Variants in TCF20 observed in about 807,000 individuals in gnomAD.
TCF20 encodes transcription factor 20, also known as SPRE-binding protein.
A neutral mutation model predicts 148.6 loss-of-function variants in TCF20; 3 were observed. That is an observed-to-expected ratio of 0.02 (90% CI 0.01 to 0.05). The LOEUF (loss-of-function observed/expected upper bound fraction) is 0.05, where lower values mean the gene tolerates loss of function less well. Ranked by LOEUF, TCF20 falls within the 10% of genes least tolerant of loss-of-function variation. The pLI is 1.00. For synonymous variants in TCF20, 1,049 were observed against 909.5 expected, an observed-to-expected ratio of 1.15 and a Z score of -2.76; for missense variants, 2,350 against 2,429.3, an observed-to-expected ratio of 0.97 and a Z score of 0.69.
intron 1 of TCF20, among the ~76,000 whole-genome samples, chr22:42,312,375 A>G (rs6002682): frequency 0.56 from 84,690 of 152,014 alleles, 24,249 homozygotes; most frequent in African/African-American, 0.68. Flanking sequence ...TGTAGCTGGT[A>G]GAATAAATGG....
intron 3 of TCF20, among the ~76,000 whole-genome samples, chr22:42,173,711 A>G (rs1487180826): frequency 6.6e-6 from 1 of 152,094 alleles, no homozygotes; most frequent in Non-Finnish European, 1.5e-5. Context: ...AGAGCAGTGC[A>G]GGCCTCTGGG....
chr22:42,225,156 C>T lies in TCF20; in HGVS notation c.-36-9815G>A, dbSNP rs185911458. Among the ~76,000 whole-genome samples the T allele has an allele frequency of 6.7e-3, 1,011 of 151,954 alleles. 11 individuals are homozygous for T. The highest frequency in any genetic ancestry group is 0.023 in the African/African-American group (952 of 41,446). On this transcript the variant is annotated intron_variant, in intron 1 of 5. Coordinates refer to ENST00000677622, the MANE Select transcript of TCF20 (RefSeq NM_001378418.1). ...GATTACAGGTGCCTGCCACCACGTC[C>T]GGCTAATTTTTGTATTTTTAGTAGA...
At chr22:42,245,351 C>T (rs994048669) in intron 1 of TCF20, among the ~76,000 whole-genome samples, 8 of 152,006 alleles carry the variant, frequency 5.3e-5, no homozygotes, top group African/African-American at 1.2e-4. Context: ...CCATTGTAGG[C>T]GTCAACTACT....
chr22:42,212,420 G>A lies in TCF20; in HGVS notation c.2886C>T (p.Arg962=), dbSNP rs369748025. The A allele has an allele frequency of 1.4e-5, 22 of 1,614,098 alleles. No homozygotes were observed. The highest frequency in any genetic ancestry group is 6.7e-5 in the African/African-American group (5 of 74,930). The change falls in exon 2 of 6, where the codon CGC becomes CGT. Residue 962 remains arginine (R), a synonymous_variant. Coordinates refer to ENST00000677622, the MANE Select transcript of TCF20 (RefSeq NM_001378418.1). ...HPPSIKHESY[R]GNASPGAATH... ...TTGCTGCTCCAGGGCTGGCATTGCC[G>A]CGGTAAGACTCATGCTTGATGCTAG...
At chr22:42,295,529 C>T (rs1241121552) in intron 1 of TCF20, among the ~76,000 whole-genome samples, 5 of 151,840 alleles carry the variant, frequency 3.3e-5, no homozygotes, top group Admixed American at 6.6e-5. Flanking sequence ...CTGCAACCTC[C>T]GCCTCCCAGG....
intron 1 of TCF20, among the ~76,000 whole-genome samples, chr22:42,256,908 C>A (rs1053002994): frequency 3.3e-5 from 5 of 152,250 alleles, no homozygotes; most frequent in Admixed American, 2.6e-4. Context: ...CCTGTAATCC[C>A]AGCACTTTGG....
At chr22:42,165,623 T>C (rs184949325) in intron 5 of TCF20, among the ~76,000 whole-genome samples, 8 of 152,318 alleles carry the variant, frequency 5.3e-5, no homozygotes, top group Admixed American at 5.2e-4. Flanking sequence ...AGGGGCGGCA[T>C]CTTTTAACCC....
chr22:42,332,752 G>A (rs1927998651), intron 1 of TCF20, among the ~76,000 whole-genome samples: 1 of 152,244 alleles, frequency 6.6e-6, no homozygotes, highest in East Asian at 1.9e-4. Context: ...ACAGGCATGA[G>A]CCACCGTGCC....
At chr22:42,172,717 A>G (rs186651186) in intron 3 of TCF20, among the ~76,000 whole-genome samples, 1 of 152,350 alleles carries the variant, frequency 6.6e-6, no homozygotes, top group East Asian at 1.9e-4. Flanking sequence ...GGAGGGAGGT[A>G]GGAAAAACAA....
At chr22:42,221,975 T>C (rs1002226466) in intron 1 of TCF20, among the ~76,000 whole-genome samples, 9 of 151,872 alleles carry the variant, frequency 5.9e-5, no homozygotes, top group Non-Finnish European at 1.2e-4. Flanking sequence ...CCTGACCTCA[T>C]GATCCGCCCG....
At chr22:42,180,752 C>A (rs1316768975) in intron 2 of TCF20, among the ~76,000 whole-genome samples, 2 of 152,228 alleles carry the variant, frequency 1.3e-5, no homozygotes, top group Non-Finnish European at 2.9e-5. Flanking sequence ...CAGCCCTCTG[C>A]ACTATTCCAC....
intron 2 of TCF20, among the ~76,000 whole-genome samples, chr22:42,194,419 T>C (rs889668940): frequency 6.6e-6 from 1 of 152,338 alleles, no homozygotes; most frequent in South Asian, 2.1e-4. Flanking sequence ...AAAACATTAG[T>C]AGTTGATACA....
chr22:42,251,588 C>T (rs948142472), intron 1 of TCF20, among the ~76,000 whole-genome samples: 21 of 146,498 alleles, frequency 1.4e-4, no homozygotes, highest in Non-Finnish European at 2.2e-4. Flanking sequence ...CTGCAACCTC[C>T]GCCTCCCATG....
intron 1 of TCF20, among the ~76,000 whole-genome samples, chr22:42,301,098 G>A (rs1418087349): frequency 6.6e-6 from 1 of 151,970 alleles, no homozygotes; most frequent in Non-Finnish European, 1.5e-5. Context: ...TACCAGGGTG[G>A]AGGTGTAAAT....
In TCF20 at chr22:42,210,985, C is replaced by G; in HGVS notation, c.4321G>C (p.Val1441Leu). 1 of 1,614,134 alleles carries G rather than the reference C, an allele frequency of 6.2e-7. No individual in the cohort carries two copies. The highest frequency in any genetic ancestry group is 8.5e-7 in the Non-Finnish European group (1 of 1,180,026). ...PRSSEEWRGS[V>L]DDKVKTETHA... ...GTCTCTGTCTTCACTTTGTCATCCA[C>G]GCTGCCACGCCACTCTTCTGAAGAC... Residue 1441 changes from valine to leucine, a missense_variant, in exon 2 of 6, where the codon GTG (valine) becomes CTG (leucine). Around this residue, in one of 7 missense-constraint regions of TCF20, gnomAD observed 231 missense variants for 213.7 expected, o/e 1.08. Transcript: ENST00000677622. The surrounding 1 kb of genome is among the most constrained non-coding windows in gnomAD (Gnocchi z 4.7).
intron 1 of TCF20, among the ~76,000 whole-genome samples, chr22:42,245,551 A>G (rs1329729327): frequency 6.6e-6 from 1 of 152,142 alleles, no homozygotes; most frequent in African/African-American, 2.4e-5. Context: ...ACCTTTCACC[A>G]TCATCTTCCT....
intron 1 of TCF20, among the ~76,000 whole-genome samples, chr22:42,265,680 T>C (rs1926247569): frequency 6.6e-6 from 1 of 152,094 alleles, no homozygotes; most frequent in African/African-American, 2.4e-5. Flanking sequence ...GAACACAAAG[T>C]CCCCATGAGT....
rs190720494 is a variant in TCF20, at chr22:42,173,290, C to A, written c.5750-3394G>T. 4.0e-5 allele frequency among the ~76,000 whole-genome samples: 6 copies of A among 151,854 alleles called. No individual in the cohort carries two copies. In the East Asian group the frequency reaches 5.8e-4, roughly 15 times the overall value. Reference sequence around the variant, plus strand: ...TCATGCTCTTATTACTGTAACCCCCCCCACCTGGAGCCAAATCCTGTGCCT... The same window carrying A: ...TCATGCTCTTATTACTGTAACCCCCACCACCTGGAGCCAAATCCTGTGCCT... On this transcript the variant is annotated intron_variant, in intron 3 of 5. Coordinates refer to ENST00000677622, the MANE Select transcript of TCF20 (RefSeq NM_001378418.1).
intron 1 of TCF20, among the ~76,000 whole-genome samples, chr22:42,223,602 C>G (rs542721533): frequency 2.3e-4 from 35 of 152,136 alleles, no homozygotes; most frequent in Admixed American, 9.8e-4. Context: ...GCAAAATATT[C>G]ATGGTAAACA....
Sources: allele counts gnomAD v4.1 joint callset (sites outside exome capture counted in the v4.1 genomes callset), GRCh38; gene constraint gnomAD v4.1.1; regional missense constraint gnomAD v4.1.1; non-coding constraint Gnocchi (gnomAD v3.1); transcripts MANE v1.5; gene names NCBI Gene and HGNC (gene_info 2026-07-23, HGNC 2026-07-21).